The following ZDHHC15 variants were observed in gnomAD, a reference collection of about 807,000 sequenced individuals.
ZDHHC15 encodes the protein zDHHC palmitoyltransferase 15.
In ZDHHC15, 19 loss-of-function variants were observed where a neutral mutation model predicts 31.7. The ratio of observed to expected loss-of-function variants is 0.60; its 90% confidence interval spans 0.42 to 0.88. The LOEUF (loss-of-function observed/expected upper bound fraction) is 0.88, where lower values mean the gene tolerates loss of function less well. Ranked by LOEUF, ZDHHC15 falls within the 40% of genes least tolerant of loss-of-function variation. ZDHHC15 has a pLI of 0.00. For missense variants in ZDHHC15, 209 were observed against 251.2 expected (o/e 0.83, Z 1.14); for synonymous variants, 103 against 90.0 (o/e 1.14, Z -0.82).
At chrX:75,444,061 A>C (rs1476742454) in intron 4 of ZDHHC15, among the ~76,000 whole-genome samples, 4 of 111,075 alleles carry the variant, frequency 3.6e-5, no homozygotes, top group South Asian at 7.8e-4. Context: ...TCAGTGTGGC[A>C]ATTCCTCAGG....
At chrX:75,384,844 A>G (rs1048975446) in intron 10 of ZDHHC15, 5 of 582,062 alleles carry the variant, frequency 8.6e-6, no homozygotes, top group Non-Finnish European at 1.5e-5. Context: ...GTTAAAAAAT[A>G]AATAAAAGAC....
chrX:75,471,566 C>A (rs1316537649), intron 3 of ZDHHC15, among the ~76,000 whole-genome samples: 1 of 112,140 alleles, frequency 8.9e-6, no homozygotes, highest in African/African-American at 3.2e-5. Flanking sequence ...CTCCTACAAC[C>A]AAGAAATTAG....
intron 3 of ZDHHC15, among the ~76,000 whole-genome samples, chrX:75,477,290 T>C (rs956251530): frequency 9.0e-6 from 1 of 111,697 alleles, no homozygotes; most frequent in African/African-American, 3.2e-5. Context: ...TGGTCTATAC[T>C]GGAAAATGTT....
chrX:75,493,469 G>C (rs1273035979), intron 2 of ZDHHC15, among the ~76,000 whole-genome samples: 1 of 111,361 alleles, frequency 9.0e-6, no homozygotes, highest in Non-Finnish European at 1.9e-5. Flanking sequence ...GCCTGGCAGA[G>C]ACACAACAAA....
intron 1 of ZDHHC15, 38 bp downstream of exon 1, chrX:75,522,851 G>A (rs759882964): frequency 1.7e-6 from 2 of 1,207,664 alleles, no homozygotes; most frequent in East Asian, 3.0e-5. Flanking sequence ...TTATATTGGA[G>A]TATAATTTCC....
chrX:75,458,623 G>A (rs1212373163), intron 3 of ZDHHC15, among the ~76,000 whole-genome samples: 3 of 111,205 alleles, frequency 2.7e-5, no homozygotes, highest in Non-Finnish European at 3.8e-5. Flanking sequence ...GGTAGAGTGA[G>A]AATTAAGTAC....
intron 2 of ZDHHC15, among the ~76,000 whole-genome samples, chrX:75,488,750 A>G (rs949735018): frequency 1.8e-5 from 2 of 112,081 alleles, no homozygotes; most frequent in African/African-American, 6.5e-5. Flanking sequence ...AACTGGGTTC[A>G]GGACAGTGGG....
intron 1 of ZDHHC15, among the ~76,000 whole-genome samples, chrX:75,507,191 G>A (rs1306231794): frequency 9.0e-6 from 1 of 111,444 alleles, no homozygotes; most frequent in Non-Finnish European, 1.9e-5. Flanking sequence ...AAAAAATAAT[G>A]ACAACGATAA....
intron 10 of ZDHHC15, among the ~76,000 whole-genome samples, chrX:75,414,153 G>T (rs2083518134): frequency 1.8e-5 from 2 of 111,809 alleles, no homozygotes; most frequent in South Asian, 7.4e-4. Context: ...TCTTTAAAAA[G>T]ATGCCTGTTA....
intron 10 of ZDHHC15, among the ~76,000 whole-genome samples, chrX:75,402,443 C>T (rs1306864452): frequency 3.6e-5 from 4 of 110,782 alleles, no homozygotes; most frequent in African/African-American, 9.8e-5. Context: ...AAAAGATCAA[C>T]AAATCCAGGA....
At chrX:75,385,838 T>C (rs892508183) in intron 10 of ZDHHC15, among the ~76,000 whole-genome samples, 2 of 111,832 alleles carry the variant, frequency 1.8e-5, no homozygotes, top group African/African-American at 6.5e-5. Context: ...CTTTGAATTC[T>C]TATAGCACAA....
At chrX:75,516,632 C>G (rs964757142) in intron 1 of ZDHHC15, among the ~76,000 whole-genome samples, 4 of 112,020 alleles carry the variant, frequency 3.6e-5, no homozygotes, top group Non-Finnish European at 7.5e-5. Flanking sequence ...CCTTAAAAAC[C>G]CTACAAGAAA....
At chrX:75,500,217 A>G (rs1379172563) in intron 2 of ZDHHC15, among the ~76,000 whole-genome samples, 1 of 109,228 alleles carries the variant, frequency 9.2e-6, no homozygotes, top group Non-Finnish European at 1.9e-5. Flanking sequence ...AATCACAGCT[A>G]AAGTACTTAT....
At chrX:75,520,128 T>C (rs774885178) in intron 1 of ZDHHC15, among the ~76,000 whole-genome samples, 2 of 112,175 alleles carry the variant, frequency 1.8e-5, no homozygotes, top group South Asian at 3.7e-4. Context: ...CAAGTAATGA[T>C]AGTATATACA....
rs1196578193 is a variant in ZDHHC15 at position 75,412,436 on chromosome X, C to CT, written c.967+4650dup. ...GACAGATATACAACTGATTATTATT[C>CT]TTTTTTTTTTTTGACACGGAAGTAT... On this transcript the variant is annotated intron_variant, in intron 10 of 11. Coordinates refer to ENST00000373367, the MANE Select transcript of ZDHHC15 (RefSeq NM_144969.3). 7.5e-3 allele frequency among the ~76,000 whole-genome samples: 777 copies of CT among 103,576 alleles called. 5 individuals carry two copies. Among genetic ancestry groups the CT allele is most frequent in the African/African-American group, 0.018 (518 of 28,688 alleles). 89.9% of individuals were successfully genotyped at this position (103,576 alleles called of 115,157 possible). A position where few individuals can be genotyped will look rare whatever the true frequency, so the allele number is the denominator to read the frequency against.
chrX:75,462,763 C>A (rs1024706600), intron 3 of ZDHHC15, among the ~76,000 whole-genome samples: 1 of 111,069 alleles, frequency 9.0e-6, no homozygotes, highest in African/African-American at 3.3e-5. Context: ...TGGGACACAG[C>A]TAAAATAGTG....
chrX:75,387,931 G>T (rs1388243531), intron 10 of ZDHHC15, among the ~76,000 whole-genome samples: 1 of 111,681 alleles, frequency 9.0e-6, no homozygotes, highest in Non-Finnish European at 1.9e-5. Flanking sequence ...CCTAAATACA[G>T]CAAGAGAAAA....
intron 10 of ZDHHC15, among the ~76,000 whole-genome samples, chrX:75,407,455 G>A (rs1172367687): frequency 1.5e-4 from 15 of 98,699 alleles, no homozygotes; most frequent in South Asian, 9.2e-4. Flanking sequence ...GGCAGCCCCC[G>A]CCCGGTCAGC....
intron 3 of ZDHHC15, among the ~76,000 whole-genome samples, chrX:75,462,858 G>T (rs1322928722): frequency 9.0e-6 from 1 of 110,718 alleles, no homozygotes; most frequent in East Asian, 2.8e-4. Flanking sequence ...ACAACTAAAA[G>T]AACTAGAGAA....
Sources: gnomAD v4.1 joint callset for allele counts (sites outside exome capture counted in the v4.1 genomes callset) on GRCh38, gnomAD v4.1.1 for gene constraint, MANE v1.5 for transcripts, NCBI Gene and HGNC (gene_info 2026-07-23, HGNC 2026-07-21) for gene names.